RAPGEF5: variants seen among roughly 807,000 people sequenced by gnomAD.
RAPGEF5 encodes M-Ras-regulated GEF.
Under a neutral mutation model 125.2 loss-of-function variants are expected in RAPGEF5, and 65 were observed. That is an observed-to-expected ratio of 0.52 (90% CI 0.43 to 0.64). The LOEUF is 0.64. Among genes scored for constraint, RAPGEF5 ranks in the 30% least tolerant of loss-of-function variants. RAPGEF5 has a pLI of 0.00. For synonymous variants in RAPGEF5, 391 were observed against 385.9 expected (o/e 1.01, Z -0.16); for missense variants, 958 against 1,048.1 (o/e 0.91, Z 1.19).
intron 5 of RAPGEF5, among the ~76,000 whole-genome samples, chr7:22,304,675 T>C (rs1048633205): frequency 6.6e-6 from 1 of 152,166 alleles, no homozygotes; most frequent in African/African-American, 2.4e-5. Flanking sequence ...CACCTCCATC[T>C]TGTGTGCAGG....
intron 24 of RAPGEF5, among the ~76,000 whole-genome samples, chr7:22,128,578 G>C (rs3807539): frequency 0.39 from 58,638 of 152,072 alleles, 11,802 homozygotes; most frequent in Admixed American, 0.47. Context: ...TGAAAATAGT[G>C]TTTCTCCTAG....
rs1036648362 is a variant in RAPGEF5, at chr7:22,119,727, T to C, written c.*2679A>G. The C allele has an allele frequency of 6.6e-6, 1 of 152,120 alleles. No individual in the cohort carries two copies. The highest frequency in any genetic ancestry group is 6.5e-5 in the Admixed American group (1 of 15,282). The allele number at this position is 152,120 out of a possible 1,614,324, so 9.4% of individuals were successfully genotyped here. On this transcript the variant is annotated 3_prime_UTR_variant, in exon 26 of 26. Transcript: ENST00000665637. This position sits in a 1 kb window ranked among gnomAD's most constrained non-coding sequence, Gnocchi z 4.1. Reference sequence around the variant, plus strand: ...GCCAGATTACGTAAGATTTGCAGAGTGAGCGAAGATTTTATGCAATAATAA... The same window carrying C: ...GCCAGATTACGTAAGATTTGCAGAGCGAGCGAAGATTTTATGCAATAATAA...
At chr7:22,220,104 T>A in intron 8 of RAPGEF5, 113 bp from the exon 9 acceptor site, 1 of 1,330,080 alleles carries the variant, frequency 7.5e-7, no homozygotes, top group Non-Finnish European at 1.0e-6. Flanking sequence ...CTGGATTAAA[T>A]CATGGTCTTG....
At chr7:22,211,963 CTTTTT>C (rs749576250) in intron 9 of RAPGEF5, among the ~76,000 whole-genome samples, 4 of 114,362 alleles carry the variant, frequency 3.5e-5, no homozygotes, top group Non-Finnish European at 5.1e-5. Flanking sequence ...CATGTGTTCT[CTTTTT>C]TTTTTTTTTT....
At chr7:22,183,229 A>G (rs184970380) in intron 11 of RAPGEF5, among the ~76,000 whole-genome samples, 1 of 132,750 alleles carries the variant, frequency 7.5e-6, no homozygotes, top group Admixed American at 8.9e-5. Context: ...AGATGGTGCC[A>G]TTGCACTCCA....
At chr7:22,202,085 C>T (rs1418706853) in intron 9 of RAPGEF5, among the ~76,000 whole-genome samples, 1 of 152,068 alleles carries the variant, frequency 6.6e-6, no homozygotes, top group Non-Finnish European at 1.5e-5. Flanking sequence ...GAACTAAGTC[C>T]GAGGGGTAGG....
At chr7:22,258,140 C>A (rs570118628) in intron 7 of RAPGEF5, among the ~76,000 whole-genome samples, 117 of 152,028 alleles carry the variant, frequency 7.7e-4, no homozygotes, top group Non-Finnish European at 1.5e-3. Flanking sequence ...AAAAAAAGAG[C>A]CAACTAGAAG....
chr7:22,130,529 C>T (rs1342182361), intron 24 of RAPGEF5, among the ~76,000 whole-genome samples: 1 of 152,144 alleles, frequency 6.6e-6, no homozygotes, highest in Non-Finnish European at 1.5e-5. Flanking sequence ...AGGAGTGGCC[C>T]TTCCCTTCAC....
Position 22,160,525 on chromosome 7 carries a change from G to C in RAPGEF5, c.1519C>G (p.Arg507Gly). 6.5e-7 allele frequency: 1 copy of C among 1,541,752 alleles called. No individual in the cohort carries two copies. Among genetic ancestry groups the C allele is most frequent in the Non-Finnish European group, 8.7e-7 (1 of 1,143,800 alleles). The change falls in exon 14 of 26, where the codon CGT becomes GGT. Residue 507 changes from arginine (R) to glycine (G), a missense_variant. Coordinates refer to ENST00000665637, the MANE Select transcript of RAPGEF5 (RefSeq NM_012294.5). ...GGAAAATGAAATACTTACTGACGAC[G>C]GTGCATTCCAAGTATCTTTTGAAAT... ...KEFQKILGMH[R>G]RHTVDEYSPQ... is the part of the protein sequence containing the mutation.
At chr7:22,138,957 G>A (rs1002275498) in intron 21 of RAPGEF5, among the ~76,000 whole-genome samples, 1 of 152,176 alleles carries the variant, frequency 6.6e-6, no homozygotes, top group Non-Finnish European at 1.5e-5. Context: ...TGAAGGTCTT[G>A]TTTGCTTAAG....
At chr7:22,264,112 T>C (rs1782225672) in intron 7 of RAPGEF5, among the ~76,000 whole-genome samples, 1 of 151,926 alleles carries the variant, frequency 6.6e-6, no homozygotes, top group African/African-American at 2.4e-5. Flanking sequence ...TATTTCCTTA[T>C]CATAAGGAAT....
At chr7:22,274,788 T>C (rs1292184586) in intron 6 of RAPGEF5, among the ~76,000 whole-genome samples, 2 of 152,160 alleles carry the variant, frequency 1.3e-5, no homozygotes, top group African/African-American at 4.8e-5. Flanking sequence ...TTTTTCTCTC[T>C]CCATCCCACA....
At chr7:22,156,490 G>A (rs796997451) in intron 16 of RAPGEF5, among the ~76,000 whole-genome samples, 13 of 152,322 alleles carry the variant, frequency 8.5e-5, no homozygotes, top group African/African-American at 3.1e-4. Flanking sequence ...AGGCAGGGAG[G>A]AGATGGTTCT....
rs191206032 is a variant in RAPGEF5, at chr7:22,132,294, C to T, written c.2417-1193G>A. 2.8e-3 allele frequency among the ~76,000 whole-genome samples: 430 copies of T among 152,220 alleles called. 3 individuals carry two copies. Among genetic ancestry groups the T allele is most frequent in the African/African-American group, 9.3e-3 (385 of 41,542 alleles). Reference sequence around the variant, plus strand: ...AATAGTTACACAGTTACAGCACACACTGATGCAACCCTTTCCTCAAGGCGT... The same window carrying T: ...AATAGTTACACAGTTACAGCACACATTGATGCAACCCTTTCCTCAAGGCGT... On this transcript the variant is annotated intron_variant, in intron 23 of 25. Transcript: ENST00000665637.
intron 8 of RAPGEF5, among the ~76,000 whole-genome samples, chr7:22,230,314 GA>G (rs1786025885): frequency 6.6e-6 from 1 of 152,186 alleles, no homozygotes; most frequent in African/African-American, 2.4e-5. Flanking sequence ...CTTCTGACCA[GA>G]ATCAACAGAT....
At chr7:22,175,329 G>A (rs1170763597) in intron 11 of RAPGEF5, among the ~76,000 whole-genome samples, 1 of 152,146 alleles carries the variant, frequency 6.6e-6, no homozygotes, top group African/African-American at 2.4e-5. Flanking sequence ...TAAAAGGAAC[G>A]AAGGATATTC....
At chr7:22,271,452 T>G (rs1782424570) in intron 6 of RAPGEF5, among the ~76,000 whole-genome samples, 1 of 152,212 alleles carries the variant, frequency 6.6e-6, no homozygotes, top group African/African-American at 2.4e-5. Flanking sequence ...AGATATAAAA[T>G]TATGCTATAA....
intron 17 of RAPGEF5, 41 bp from the exon 18 acceptor site, chr7:22,150,545 A>ATACAAGAG: frequency 6.3e-7 from 1 of 1,577,838 alleles, no homozygotes; most frequent in Non-Finnish European, 8.5e-7. Context: ...ATAATCAGAA[A>ATACAAGAG]TACAAGAGTA....
chr7:22,162,837 T>C (rs891128525), intron 12 of RAPGEF5: 3 of 486,996 alleles, frequency 6.2e-6, no homozygotes, highest in African/African-American at 5.8e-5. Context: ...AAGGAGATAC[T>C]AGGTGGTCCA....
Sources: allele counts gnomAD v4.1 joint callset (sites outside exome capture counted in the v4.1 genomes callset), GRCh38; gene constraint gnomAD v4.1.1; non-coding constraint Gnocchi (gnomAD v3.1); transcripts MANE v1.5; gene names NCBI Gene and HGNC (gene_info 2026-07-23, HGNC 2026-07-21).